The following FAM20C variants were observed in gnomAD, a reference collection of about 807,000 sequenced individuals.
The protein encoded by FAM20C is extracellular serine/threonine protein kinase FAM20C.
FAM20C carries 40 observed loss-of-function variants against 51.5 expected under a neutral mutation model. The ratio of observed to expected loss-of-function variants is 0.78; its 90% CI spans 0.60 to 1.01. The LOEUF (loss-of-function observed/expected upper bound fraction) is 1.01. Among genes scored for constraint, FAM20C ranks in the 50% least tolerant of loss-of-function variants. The probability of loss-of-function intolerance (pLI) is 0.00; values close to 1 mark genes in which losing one functional copy is unlikely to be tolerated. For synonymous variants in FAM20C, 406 were observed against 380.6 expected (o/e 1.07, Z -0.78); for missense variants, 861 against 844.7 (o/e 1.02, Z -0.24).
intron 3 of FAM20C, among the ~76,000 whole-genome samples, chr7:227,004 T>G (rs904394605): frequency 2.0e-5 from 3 of 152,118 alleles, no homozygotes; most frequent in Non-Finnish European, 4.4e-5. Flanking sequence ...TCCCCTCGGC[T>G]GTTCCGATTA....
rs2115033098 is a variant in FAM20C at position 192,729 on chromosome 7, A to G, written c.-471A>G. On this transcript the variant is annotated 5_prime_UTR_variant, in exon 1 of 10. Coordinates refer to ENST00000313766, the MANE Select transcript of FAM20C (RefSeq NM_020223.4). The stretch of plus-strand genomic sequence containing the variant: ...GGCGTGAGAGCAGAGCCCGGCCCGG[A>G]GGAGCCGCCCCTTCCCCGCCCGCCC... 7.1e-6 allele frequency among the ~76,000 whole-genome samples: 1 copy of G among 140,594 alleles called. No homozygotes were observed. The highest frequency in any genetic ancestry group is 1.6e-5 in the Non-Finnish European group (1 of 64,352). 92.2% of individuals were successfully genotyped at this position (140,594 alleles called of 152,430 possible).
intron 3 of FAM20C, among the ~76,000 whole-genome samples, chr7:216,670 A>T (rs1786988982): frequency 1.7e-5 from 2 of 116,682 alleles, no homozygotes; most frequent in African/African-American, 3.3e-5. Context: ...TGTGAGAGAC[A>T]GAGTGTGTGT....
chr7:213,448 C>T (rs901627675), intron 3 of FAM20C, among the ~76,000 whole-genome samples: 15 of 152,236 alleles, frequency 9.9e-5, no homozygotes, highest in Non-Finnish European at 1.6e-4. Context: ...TCCGGCATTG[C>T]ATAGTCCTTT....
chr7:236,746 GTGGCTGTCGGGGTTTC>G, intron 3 of FAM20C, among the ~76,000 whole-genome samples: 3 of 150,434 alleles, frequency 2.0e-5, no homozygotes, highest in African/African-American at 4.9e-5. Context: ...TGGGGTCCCG[GTGGCTGTCGGGGTTTC>G]ATGCGGAGGT....
At position 218,101 on chromosome 7, in the gene FAM20C, TC is replaced by T. The variant is rs546314692; in HGVS notation, c.863+9129del. ...CTGCCTGTGGGCTGGCTCTCGAACT[TC>T]CCCGGGCCTCAGCCTCCTCGTCTGT... On this transcript the variant is annotated intron_variant, in intron 3 of 9. Coordinates refer to ENST00000313766, the MANE Select transcript of FAM20C (RefSeq NM_020223.4). Among the ~76,000 whole-genome samples, 32 of 152,208 alleles carry T rather than the reference TC, an allele frequency of 2.1e-4. No individual in the cohort carries two copies. The South Asian group carries it at 6.4e-3, about 31-fold the overall frequency.
rs1785701540 is a variant in FAM20C, at chr7:193,649, GC to G, written c.456del (p.Gly153AlafsTer34). On this transcript the variant is annotated frameshift_variant, in exon 1 of 10. Coordinates refer to ENST00000313766, the MANE Select transcript of FAM20C (RefSeq NM_020223.4). LOFTEE classifies it high-confidence loss of function. The part of the protein sequence containing the change: ...RDPGPRRSES[P>X]PGPGGDASLL... ...ACCCCGGCCCGCGTCGGTCCGAGTC[GC>G]CCCCCGGCCCCGGCGGAGACGCCTC... 3.2e-6 allele frequency: 5 copies of G among 1,538,610 alleles called. No homozygotes were observed. The highest frequency in any genetic ancestry group is 2.5e-5 in the East Asian group (1 of 39,936).
At chr7:214,410 G>A (rs955446193) in intron 3 of FAM20C, among the ~76,000 whole-genome samples, 3 of 152,184 alleles carry the variant, frequency 2.0e-5, no homozygotes, top group African/African-American at 7.2e-5. Flanking sequence ...TTAATTTTAG[G>A]ACGTCCAATT....
chr7:258,287 TGGGGTGCTG>T lies in FAM20C; in HGVS notation c.1446-357_1446-349del, dbSNP rs1562401788. On this transcript the variant is annotated intron_variant, in intron 8 of 9. Coordinates refer to ENST00000313766, the MANE Select transcript of FAM20C (RefSeq NM_020223.4). ...AGATAGGCAGGGTGGACCCACTGCC[TGGGGTGCTG>T]GAGATGGGTGGGATGGACCCACTGC... is the stretch of plus-strand genomic sequence containing the variant. Among the ~76,000 whole-genome samples, 111 of 58,462 alleles carry T rather than the reference TGGGGTGCTG, an allele frequency of 1.9e-3. 3 individuals carry two copies. The highest frequency in any genetic ancestry group is 0.012 in the Middle Eastern group (1 of 82). 38.4% of individuals were successfully genotyped at this position (58,462 alleles called of 152,430 possible). A position where few individuals can be genotyped will look rare whatever the true frequency, so the allele number is the denominator to read the frequency against.
chr7:228,268 G>A (rs910757852), intron 3 of FAM20C: 2 of 350,314 alleles, frequency 5.7e-6, no homozygotes, highest in Admixed American at 7.5e-5. Context: ...CCCTGGGCAG[G>A]GTCTTGGCTC....
Position 233,574 on chromosome 7 carries a change from C to T in FAM20C, c.864-12841C>T, listed in dbSNP as rs932725266. 2.6e-3 allele frequency among the ~76,000 whole-genome samples: 392 copies of T among 152,290 alleles called. 2 individuals are homozygous for T. Among genetic ancestry groups the T allele is most frequent in the African/African-American group, 9.0e-3 (373 of 41,554 alleles). On this transcript the variant is annotated intron_variant, in intron 3 of 9. Transcript: ENST00000313766. ...GGGAGGAGCCGTGTCCTGGCCCTTC[C>T]GGCTCCTGGAGGCGCCTGCGTTGGC...
At position 253,955 on chromosome 7, in the gene FAM20C, G is replaced by A. The variant is rs560276755; in HGVS notation, c.1073-1894G>A. Among the ~76,000 whole-genome samples, 8 of 152,322 alleles carry A rather than the reference G, an allele frequency of 5.3e-5. 1 individual carries two copies. Among genetic ancestry groups the A allele is most frequent in the Admixed American group, 3.3e-4 (5 of 15,306 alleles). On this transcript the variant is annotated intron_variant, in intron 5 of 9. Transcript: ENST00000313766. Reference sequence around the variant, plus strand: ...TGCCCCGGTGGGGGCTGCCTCGTCCGACTGTGGGCTGCCGACTAATCTGTA... The same window carrying A: ...TGCCCCGGTGGGGGCTGCCTCGTCCAACTGTGGGCTGCCGACTAATCTGTA...
intron 3 of FAM20C, among the ~76,000 whole-genome samples, chr7:218,479 G>A (rs936996440): frequency 6.6e-6 from 1 of 152,232 alleles, no homozygotes; most frequent in African/African-American, 2.4e-5. Flanking sequence ...TAAGCTCGTG[G>A]CCCAGCCGGG....
rs187733962 is a variant in FAM20C, at chr7:208,831, G to A, written c.785-67G>A. On this transcript the variant is annotated intron_variant, in intron 2 of 9. Coordinates refer to ENST00000313766, the MANE Select transcript of FAM20C (RefSeq NM_020223.4). ...ACCCGGATTGCAGCCAAGAGCCCTC[G>A]TCCGCACAGGAGAAGAAGGGGCGTG... The A allele has an allele frequency of 4.5e-4, 673 of 1,498,640 alleles. 2 individuals are homozygous for A. The highest frequency in any genetic ancestry group is 2.5e-4 in the Non-Finnish European group (272 of 1,102,652). The allele number at this position is 1,498,640 out of a possible 1,614,324, so 92.8% of individuals were successfully genotyped here.
At chr7:256,086 C>A in intron 6 of FAM20C, 57 bp downstream of exon 6, 6 of 1,517,720 alleles carry the variant, frequency 4.0e-6, no homozygotes, top group Non-Finnish European at 5.3e-6. Flanking sequence ...GGGAGCTGGG[C>A]CTGGGCGGGC....
intron 3 of FAM20C, among the ~76,000 whole-genome samples, chr7:232,692 G>C (rs923769768): frequency 1.3e-4 from 20 of 152,352 alleles, no homozygotes; most frequent in African/African-American, 4.1e-4. Context: ...CGTTCTATGA[G>C]AAGGTGCCAC....
intron 3 of FAM20C, among the ~76,000 whole-genome samples, chr7:236,219 G>C (rs1335074905): frequency 1.0e-5 from 1 of 98,418 alleles, no homozygotes. Flanking sequence ...GCCGAGGTGA[G>C]AGGCCGAGCG....
chr7:232,323 C>G (rs1457211486), intron 3 of FAM20C, among the ~76,000 whole-genome samples: 3 of 152,192 alleles, frequency 2.0e-5, no homozygotes, highest in African/African-American at 7.2e-5. Context: ...GGAGAGAACG[C>G]GGCCCAGCCC....
intron 3 of FAM20C, among the ~76,000 whole-genome samples, 155 bp downstream of exon 3, chr7:209,131 C>T (rs1458993903): frequency 6.6e-6 from 1 of 152,180 alleles, no homozygotes. Flanking sequence ...GGCAAACGAG[C>T]AACAGAGGTG....
intron 3 of FAM20C, among the ~76,000 whole-genome samples, chr7:215,182 G>A (rs886366081): frequency 7.9e-5 from 12 of 151,480 alleles, no homozygotes; most frequent in East Asian, 7.8e-4. Context: ...CAAAAGAGGC[G>A]GAGTGAGCGA....
Sources: allele counts gnomAD v4.1 joint callset (sites outside exome capture counted in the v4.1 genomes callset), GRCh38; gene constraint gnomAD v4.1.1; transcripts MANE v1.5; gene names NCBI Gene and HGNC (gene_info 2026-07-23, HGNC 2026-07-21).